FNBP1: variants seen among roughly 807,000 people sequenced by gnomAD.
FNBP1 encodes formin binding protein 1.
A neutral mutation model predicts 90.6 loss-of-function variants in FNBP1; 26 were observed. The ratio of observed to expected loss-of-function variants is 0.29; its 90% CI spans 0.21 to 0.40. FNBP1 has a LOEUF of 0.40. FNBP1 is among the 10% of genes least tolerant of loss of function. FNBP1 has a pLI of 1.00. For synonymous variants in FNBP1, 260 were observed against 265.2 expected, an observed-to-expected ratio of 0.98 and a Z score of 0.19; for missense variants, 635 against 768.0, an observed-to-expected ratio of 0.83 and a Z score of 2.05.
intron 6 of FNBP1, among the ~76,000 whole-genome samples, chr9:129,955,246 T>A (rs2046752516): frequency 6.6e-6 from 1 of 152,064 alleles, no homozygotes; most frequent in African/African-American, 2.4e-5. Flanking sequence ...GAGTGCTTTT[T>A]TTTTTGAGAC....
chr9:129,948,769 G>C (rs751381582), intron 6 of FNBP1, among the ~76,000 whole-genome samples: 1 of 151,990 alleles, frequency 6.6e-6, no homozygotes, highest in Non-Finnish European at 1.5e-5. Flanking sequence ...TTGAACTCCT[G>C]ACCTCAAGTG....
intron 2 of FNBP1, among the ~76,000 whole-genome samples, chr9:129,980,760 T>C (rs1240366525): frequency 1.3e-5 from 2 of 150,026 alleles, no homozygotes; most frequent in South Asian, 2.1e-4. Flanking sequence ...GTTAGAGAAA[T>C]AGCCATAGCA....
intron 4 of FNBP1, among the ~76,000 whole-genome samples, chr9:129,961,244 G>A (rs139796771): frequency 8.2e-4 from 124 of 152,074 alleles, no homozygotes; most frequent in African/African-American, 2.8e-3. Context: ...ACTGGGAGGC[G>A]GAGGTTGCGG....
At chr9:129,923,494 G>C (rs1039249505) in intron 10 of FNBP1, among the ~76,000 whole-genome samples, 1 of 151,020 alleles carries the variant, frequency 6.6e-6, no homozygotes, top group African/African-American at 2.4e-5. Flanking sequence ...CAGGAGAATC[G>C]CTTAAACCCG....
At chr9:129,929,465 T>A (rs2132033611) in intron 7 of FNBP1, 102 bp downstream of exon 7, 14 of 705,942 alleles carry the variant, frequency 2.0e-5, no homozygotes, top group Non-Finnish European at 3.0e-5. Context: ...ATATAAAGAC[T>A]CAGACTCAGA....
chr9:129,893,036 G>T (rs185508180), intron 16 of FNBP1, among the ~76,000 whole-genome samples: 1 of 152,078 alleles, frequency 6.6e-6, no homozygotes, highest in East Asian at 1.9e-4. Flanking sequence ...GGTTAATGTC[G>T]TCTTGCCCTA....
At position 129,890,776 on chromosome 9, in the gene FNBP1, A is replaced by G. The variant is rs72757229; in HGVS notation, c.1847-230T>C. ...AGCCTTTAGCTGGTCTTTCCTTCAG[A>G]GTTAAGAGAAGCCCAAACAGGAGAC... On this transcript the variant is annotated intron_variant, in intron 16 of 16. Coordinates refer to ENST00000446176, the MANE Select transcript of FNBP1 (RefSeq NM_015033.3). The surrounding 1 kb of genome is among the most constrained non-coding windows in gnomAD (Gnocchi z 5.8). 0.076 allele frequency among the ~76,000 whole-genome samples: 11,625 copies of G among 152,112 alleles called. 688 individuals are homozygous for G. Among genetic ancestry groups the G allele is most frequent in the African/African-American group, 0.18 (7,271 of 41,460 alleles).
intron 1 of FNBP1, among the ~76,000 whole-genome samples, chr9:130,022,418 G>A (rs2057925570): frequency 6.6e-6 from 1 of 152,092 alleles, no homozygotes; most frequent in South Asian, 2.1e-4. Flanking sequence ...TGTTGGCCAG[G>A]CTGGTCTTGA....
intron 6 of FNBP1, among the ~76,000 whole-genome samples, chr9:129,935,888 A>G (rs980196656): frequency 2.0e-5 from 3 of 152,196 alleles, no homozygotes; most frequent in African/African-American, 7.2e-5. Flanking sequence ...TGAATAAATA[A>G]AGAGACTTAC....
At chr9:130,047,498 A>G (rs1172256848), upstream of FNBP1, among the ~76,000 whole-genome samples, 1 of 152,180 alleles carries the variant, frequency 6.6e-6, no homozygotes, top group Non-Finnish European at 1.5e-5. Context: ...CTGTAGTCCC[A>G]GCTACTCGGG....
chr9:129,987,783 G>A (rs1564511164), intron 2 of FNBP1, among the ~76,000 whole-genome samples: 1 of 152,016 alleles, frequency 6.6e-6, no homozygotes, highest in South Asian at 2.1e-4. Flanking sequence ...TTACAGGTAT[G>A]AGCCACCGTG....
rs1240182124 is a variant in FNBP1, at chr9:129,966,664, G to A, written c.346-8111C>T. 6.6e-6 allele frequency among the ~76,000 whole-genome samples: 1 copy of A among 152,224 alleles called. No homozygotes were observed. The highest frequency in any genetic ancestry group is 1.5e-5 in the Non-Finnish European group (1 of 68,008). On this transcript the variant is annotated intron_variant, in intron 4 of 16. Coordinates refer to ENST00000446176, the MANE Select transcript of FNBP1 (RefSeq NM_015033.3). This position sits in a 1 kb window ranked among gnomAD's most constrained non-coding sequence, Gnocchi z 4.3. The stretch of plus-strand genomic sequence containing the variant: ...GGAGAATTGCTTGAACCTGGGTGAC[G>A]GAGGTTGCAGTGAGCTGAGATCGCA...
At chr9:130,046,170 G>A (rs1335747693), upstream of FNBP1, among the ~76,000 whole-genome samples, 3 of 151,968 alleles carry the variant, frequency 2.0e-5, no homozygotes, top group Non-Finnish European at 4.4e-5. Context: ...ATATACTAAT[G>A]AGATGACTGA....
chr9:129,995,197 A>G (rs1277534742), intron 1 of FNBP1, among the ~76,000 whole-genome samples: 2 of 152,174 alleles, frequency 1.3e-5, no homozygotes, highest in East Asian at 1.9e-4. Context: ...CCTTTTAGAA[A>G]CATAGTTTTC....
chr9:129,924,851 C>T, intron 9 of FNBP1, 109 bp downstream of exon 9: 2 of 964,396 alleles, frequency 2.1e-6, no homozygotes, highest in Non-Finnish European at 3.1e-6. Flanking sequence ...CTAGCTTCTT[C>T]TTTTGCATTC....
chr9:130,036,634 T>C (rs939422792), intron 1 of FNBP1, among the ~76,000 whole-genome samples: 3 of 152,224 alleles, frequency 2.0e-5, no homozygotes, highest in Non-Finnish European at 2.9e-5. Context: ...CAAAACTAAG[T>C]TGATTTTGTT....
intron 1 of FNBP1, among the ~76,000 whole-genome samples, chr9:130,007,579 A>G (rs911769773): frequency 5.3e-5 from 8 of 152,226 alleles, no homozygotes; most frequent in African/African-American, 1.9e-4. Flanking sequence ...AGCAGCAATA[A>G]ACTTCTAGCC....
chr9:130,005,585 C>A (rs1169173237), intron 1 of FNBP1, among the ~76,000 whole-genome samples: 1 of 152,108 alleles, frequency 6.6e-6, no homozygotes, highest in Admixed American at 6.5e-5. Flanking sequence ...TTGTGATCTG[C>A]CCACCTCAGC....
intron 11 of FNBP1, among the ~76,000 whole-genome samples, chr9:129,913,961 TC>T (rs2131644204): frequency 6.6e-6 from 1 of 151,866 alleles, no homozygotes; most frequent in South Asian, 2.1e-4. Flanking sequence ...GCTCAATCAA[TC>T]CTTCTGCCTC....
Sources: allele counts gnomAD v4.1 joint callset (sites outside exome capture counted in the v4.1 genomes callset), GRCh38; gene constraint gnomAD v4.1.1; non-coding constraint Gnocchi (gnomAD v3.1); transcripts MANE v1.5; gene names NCBI Gene and HGNC (gene_info 2026-07-23, HGNC 2026-07-21).